NUP93: variants seen among roughly 807,000 people sequenced by gnomAD.
NUP93 encodes nucleoporin 93, also known as nuclear pore complex protein Nup93.
A neutral mutation model predicts 107.8 loss-of-function variants in NUP93; 55 were observed. The ratio of observed to expected loss-of-function variants is 0.51; its 90% confidence interval spans 0.41 to 0.64. NUP93 has a LOEUF of 0.64. Among genes scored for constraint, NUP93 ranks in the 30% least tolerant of loss-of-function variants. NUP93 has a pLI of 0.00. For synonymous variants in NUP93, 390 were observed against 397.5 expected, an observed-to-expected ratio of 0.98 and a Z score of 0.22; for missense variants, 937 against 1,044.7, an observed-to-expected ratio of 0.90 and a Z score of 1.42.
In NUP93 at chr16:56,828,880, C is replaced by G. The variant is rs776642403; in HGVS notation, c.795-97C>G. Reference sequence around the variant, plus strand: ...CATTGAGCTTGAAGTCTAGGCCCTGCCCTTCCAAGCTACAGTGTAATGTCA... The same window carrying G: ...CATTGAGCTTGAAGTCTAGGCCCTGGCCTTCCAAGCTACAGTGTAATGTCA... On this transcript the variant is annotated intron_variant, in intron 8 of 21. Transcript: ENST00000308159. The G allele has an allele frequency of 2.5e-4, 321 of 1,278,320 alleles. 1 individual carries two copies. The highest frequency in any genetic ancestry group is 2.4e-3 in the Middle Eastern group (9 of 3,828). 79.2% of individuals were successfully genotyped at this position (1,278,320 alleles called of 1,614,324 possible). A position where few individuals can be genotyped will look rare whatever the true frequency, so the allele number is the denominator to read the frequency against.
chr16:56,840,608 G>A lies in NUP93; in HGVS notation c.2220+1004G>A, dbSNP rs185668375. On this transcript the variant is annotated intron_variant, in intron 20 of 21. Transcript: ENST00000308159. ...ACTATAAACACTCAACTCAGCTGTCGACACTATAGACTCTAGAACCAGCTG... is the reference window on the plus strand; with the variant it reads ...ACTATAAACACTCAACTCAGCTGTCAACACTATAGACTCTAGAACCAGCTG... Among the ~76,000 whole-genome samples the A allele has an allele frequency of 3.5e-3, 529 of 152,264 alleles. 1 individual carries two copies. The highest frequency in any genetic ancestry group is 6.4e-3 in the Non-Finnish European group (437 of 68,022).
Position 56,848,391 on chromosome 16 carries a change from A to T in NUP93, c.*3782A>T, listed in dbSNP as rs1244986022. The T allele has an allele frequency of 6.6e-6, 1 of 152,258 alleles. No homozygotes were observed. The highest frequency in any genetic ancestry group is 2.4e-5 in the African/African-American group (1 of 41,472). The allele number at this position is 152,258 out of a possible 1,614,324, so 9.4% of individuals were successfully genotyped here. A position where few individuals can be genotyped will look rare whatever the true frequency, so the allele number is the denominator to read the frequency against. ...TTCTTGATGGAAATGTGTGTTTTATATCAGAATTGAGCTTTTGTTCCTGCA... is the reference window on the plus strand; with the variant it reads ...TTCTTGATGGAAATGTGTGTTTTATTTCAGAATTGAGCTTTTGTTCCTGCA... On this transcript the variant is annotated 3_prime_UTR_variant, in exon 22 of 22. Transcript: ENST00000308159.
At chr16:56,822,293 C>T (rs1248142191) in intron 7 of NUP93, among the ~76,000 whole-genome samples, 1 of 151,750 alleles carries the variant, frequency 6.6e-6, no homozygotes, top group Non-Finnish European at 1.5e-5. Flanking sequence ...GGGTGGATTG[C>T]TTGCACCCAG....
At chr16:56,842,605 T>C (rs1383640888) in intron 21 of NUP93, 1 of 451,402 alleles carries the variant, frequency 2.2e-6, no homozygotes. Context: ...CAGGCTGGAA[T>C]GCAATGACAC....
chr16:56,808,889 C>T (rs1326484533), intron 5 of NUP93, among the ~76,000 whole-genome samples: 1 of 149,814 alleles, frequency 6.7e-6, no homozygotes, highest in African/African-American at 2.4e-5. Flanking sequence ...GATATTAAAG[C>T]ACCCTGTCCC....
chr16:56,835,783 T>C (rs1325750051), intron 16 of NUP93, among the ~76,000 whole-genome samples: 7 of 152,154 alleles, frequency 4.6e-5, no homozygotes, highest in African/African-American at 1.7e-4. Flanking sequence ...TCTCATGCTC[T>C]CCTGACCATT....
At chr16:56,796,391 A>T (rs1296519027) in intron 3 of NUP93, among the ~76,000 whole-genome samples, 5 of 152,174 alleles carry the variant, frequency 3.3e-5, no homozygotes, top group Non-Finnish European at 5.9e-5. Flanking sequence ...AACCATATGC[A>T]GCTTGGTGTA....
chr16:56,778,684 G>A (rs1022654345), intron 3 of NUP93, among the ~76,000 whole-genome samples: 17 of 152,160 alleles, frequency 1.1e-4, no homozygotes, highest in Admixed American at 5.9e-4. Context: ...AGAAGGATGG[G>A]TGCTTTTTGT....
chr16:56,809,576 A>C (rs1263408313), intron 5 of NUP93, among the ~76,000 whole-genome samples: 1 of 152,144 alleles, frequency 6.6e-6, no homozygotes, highest in Non-Finnish European at 1.5e-5. Context: ...ACATCGAGAT[A>C]AGAAAACTGA....
chr16:56,776,054 C>T (rs1962410332), intron 3 of NUP93, among the ~76,000 whole-genome samples: 1 of 128,360 alleles, frequency 7.8e-6, no homozygotes. Context: ...TTTGTTGGTG[C>T]CAGATTTTTT....
chr16:56,841,668 G>C, intron 20 of NUP93, 37 bp from the exon 21 acceptor site: 1 of 1,609,350 alleles, frequency 6.2e-7, no homozygotes, highest in Non-Finnish European at 8.5e-7. Context: ...CCAAAGGCTT[G>C]GTTCTTTTTC....
Position 56,770,508 on chromosome 16 carries a change from A to G in NUP93, c.297+11853A>G, listed in dbSNP as rs184029010. Among the ~76,000 whole-genome samples the G allele has an allele frequency of 1.1e-4, 16 of 152,294 alleles. No homozygotes were observed. In the East Asian group the frequency reaches 3.1e-3, roughly 29 times the overall value. On this transcript the variant is annotated intron_variant, in intron 3 of 21. Coordinates refer to ENST00000308159, the MANE Select transcript of NUP93 (RefSeq NM_014669.5). ...GAACCGAATGGCTTTAAGGGGGGAA[A>G]ATTGACTTCCGCCACCCCCTCCAGT...
chr16:56,786,830 G>A (rs768075870), intron 3 of NUP93, among the ~76,000 whole-genome samples: 27 of 152,210 alleles, frequency 1.8e-4, no homozygotes, highest in Non-Finnish European at 3.1e-4. Flanking sequence ...GCAGGGCAGA[G>A]TCTCCCCTTC....
At chr16:56,771,195 C>T (rs1962316033) in intron 3 of NUP93, among the ~76,000 whole-genome samples, 1 of 152,184 alleles carries the variant, frequency 6.6e-6, no homozygotes, top group Non-Finnish European at 1.5e-5. Context: ...GACACATCAT[C>T]ATAATCTTTT....
rs138177420 is a variant in NUP93, at chr16:56,731,216, C to A, written c.-15+1005C>A. Among the ~76,000 whole-genome samples, 455 of 152,204 alleles carry A rather than the reference C, an allele frequency of 3.0e-3. 1 individual carries two copies. The highest frequency in any genetic ancestry group is 9.6e-3 in the African/African-American group (398 of 41,498). ...TTTTATCCAGCCACCCACTTAATAT[C>A]TCCACTGAGATGGGTTATAGGCAAC... is the stretch of plus-strand genomic sequence containing the variant. On this transcript the variant is annotated intron_variant, in intron 1 of 21. Coordinates refer to ENST00000308159, the MANE Select transcript of NUP93 (RefSeq NM_014669.5).
intron 3 of NUP93, among the ~76,000 whole-genome samples, chr16:56,763,810 C>T (rs1962171889): frequency 1.3e-5 from 2 of 151,888 alleles, no homozygotes; most frequent in African/African-American, 2.4e-5. Context: ...TTGACTTAGC[C>T]GCCAATTCTA....
chr16:56,834,610 T>C (rs1963872994), intron 15 of NUP93, 124 bp from the exon 16 acceptor site: 3 of 1,124,190 alleles, frequency 2.7e-6, no homozygotes, highest in Middle Eastern at 2.0e-4. Context: ...GTCACACTGA[T>C]TTTTAGTTTG....
Position 56,833,359 on chromosome 16 carries a change from T to A in NUP93, c.1490T>A (p.Phe497Tyr). 6.3e-7 allele frequency: 1 copy of A among 1,582,910 alleles called. No individual in the cohort carries two copies. Among genetic ancestry groups the A allele is most frequent in the Non-Finnish European group, 8.6e-7 (1 of 1,169,496 alleles). The change falls in exon 13 of 22, where the codon TTT becomes TAT. Residue 497 changes from phenylalanine to tyrosine, a missense_variant. Physicochemically the swap from Phe to Tyr is conservative, Grantham distance 22 (BLOSUM62 3). Transcript: ENST00000308159. The part of the protein sequence containing the change: ...CHAVHVALVL[F>Y]ELKLLLKSSG... Reference sequence around the variant, plus strand: ...GCTGTCCATGTAGCACTGGTGCTGTTTGAGCTGAAGCTGCTTTTAAAGTCC... The same window carrying A: ...GCTGTCCATGTAGCACTGGTGCTGTATGAGCTGAAGCTGCTTTTAAAGTCC...
chr16:56,735,736 G>A (rs1353749003), intron 1 of NUP93, among the ~76,000 whole-genome samples: 1 of 151,852 alleles, frequency 6.6e-6, no homozygotes. Context: ...GCTGAGGCAG[G>A]AGAATCGCTT....
Sources: gnomAD v4.1 joint callset for allele counts (sites outside exome capture counted in the v4.1 genomes callset) on GRCh38, gnomAD v4.1.1 for gene constraint, MANE v1.5 for transcripts, NCBI Gene and HGNC (gene_info 2026-07-23, HGNC 2026-07-21) for gene names.